Variants in NDE1 observed in about 807,000 individuals in gnomAD.
NDE1 encodes nuclear distribution protein nudE homolog 1.
A neutral mutation model predicts 43.4 loss-of-function variants in NDE1; 28 were observed. That is an observed-to-expected ratio of 0.65 (90% CI 0.48 to 0.89). The LOEUF (loss-of-function observed/expected upper bound fraction) is 0.89, where lower values mean the gene tolerates loss of function less well. Among genes scored for constraint, NDE1 ranks in the 40% least tolerant of loss-of-function variants. The pLI is 0.00. For missense variants in NDE1, 441 were observed against 434.1 expected (o/e 1.02, Z -0.14); for synonymous variants, 184 against 172.0 (o/e 1.07, Z -0.55).
chr16:15,714,811 TG>T (rs1019937075), intron 8 of NDE1: 25 of 1,441,410 alleles, frequency 1.7e-5, no homozygotes, highest in African/African-American at 2.8e-5. Flanking sequence ...GTGGCGGCTG[TG>T]GGCACAAGGG....
chr16:15,666,587 T>G (rs2037320004), intron 2 of NDE1, among the ~76,000 whole-genome samples: 1 of 152,050 alleles, frequency 6.6e-6, no homozygotes, highest in Non-Finnish European at 1.5e-5. Flanking sequence ...CCAGTCTGGG[T>G]GACAGAGCAA....
chr16:15,699,465 T>C (rs1425118199), intron 8 of NDE1: 4 of 955,332 alleles, frequency 4.2e-6, no homozygotes, highest in Admixed American at 9.4e-5. Context: ...GGTCTCACTA[T>C]GTTGCGTAGG....
Position 15,667,303 on chromosome 16 carries a change from A to T in NDE1, c.101A>T (p.Glu34Val). 2 of 1,614,176 alleles carry T rather than the reference A, an allele frequency of 1.2e-6. No individual in the cohort carries two copies. Among genetic ancestry groups the T allele is most frequent in the Non-Finnish European group, 1.7e-6 (2 of 1,180,032 alleles). ...TGCTGTAGGGCAGAAAATACGCAAG[A>T]GGAACTCCGAGAATTCCAGGAGGGA... ...TYKQRAENTQ[E>V]ELREFQEGSR... Residue 34 changes from glutamate (E) to valine (V), a missense_variant, in exon 3 of 9, where the codon GAG (glutamate) becomes GTG (valine). Coordinates refer to ENST00000396354, the MANE Select transcript of NDE1 (RefSeq NM_017668.3).
At position 15,720,910 on chromosome 16, in the gene NDE1, C is replaced by T. The variant is rs1266271367; in HGVS notation, c.948-3281C>T. 4 of 1,613,878 alleles carry T rather than the reference C, an allele frequency of 2.5e-6. No individual in the cohort carries two copies. In the African/African-American group the frequency reaches 5.3e-5, roughly 22 times the overall value. ...GCTTGGAGATCCCTTTCGAACTGGC[C>T]CTTGAGCGCCTGCATGTTGACTTCC... On this transcript the variant is annotated intron_variant, in intron 8 of 8. Coordinates refer to ENST00000396354, the MANE Select transcript of NDE1 (RefSeq NM_017668.3).
intron 3 of NDE1, among the ~76,000 whole-genome samples, chr16:15,668,086 G>A (rs139120911): frequency 2.0e-5 from 3 of 151,968 alleles, no homozygotes; most frequent in East Asian, 1.9e-4. Flanking sequence ...CACCTGGGCC[G>A]GGCGAGGTGG....
intron 8 of NDE1, among the ~76,000 whole-genome samples, chr16:15,706,034 G>T (rs1406851050): frequency 6.9e-6 from 1 of 144,556 alleles, no homozygotes; most frequent in Non-Finnish European, 1.5e-5. Flanking sequence ...TGATCACTGA[G>T]AAGAGGAATT....
At chr16:15,701,625 A>G (rs565987755) in intron 8 of NDE1, 1 of 152,210 alleles carries the variant, frequency 6.6e-6, no homozygotes, top group Non-Finnish European at 1.5e-5. Context: ...TGGTGTGTCC[A>G]CTCATCACTG....
chr16:15,655,614 C>G (rs1011912135), intron 1 of NDE1, among the ~76,000 whole-genome samples: 9 of 152,086 alleles, frequency 5.9e-5, no homozygotes, highest in African/African-American at 1.4e-4. Context: ...TTTGACCCAG[C>G]CATCGCATTA....
chr16:15,719,171 TCCC>T, intron 8 of NDE1: 3 of 1,530,774 alleles, frequency 2.0e-6, no homozygotes, highest in Non-Finnish European at 2.7e-6. Context: ...ATGCTGCCTG[TCCC>T]CCCATCCTCT....
At chr16:15,698,309 A>G (rs1279493398) in intron 8 of NDE1, among the ~76,000 whole-genome samples, 3 of 151,860 alleles carry the variant, frequency 2.0e-5, no homozygotes, top group African/African-American at 7.3e-5. Context: ...AGGGCAGCGG[A>G]TCAATTGAGC....
Position 15,677,803 on chromosome 16 carries a change from G to A in NDE1, c.240G>A (p.Glu80=). The A allele has an allele frequency of 6.2e-7, 1 of 1,614,142 alleles. No homozygotes were observed. The highest frequency in any genetic ancestry group is 8.5e-7 in the Non-Finnish European group (1 of 1,180,028). The change falls in exon 4 of 9, where the codon GAG becomes GAA. Residue 80 remains glutamate (E), a splice_region_variant and synonymous_variant. Coordinates refer to ENST00000396354, the MANE Select transcript of NDE1 (RefSeq NM_017668.3). ...TCAGTGTCTGTGTTGTCCTTCAGGA[G>A]AAGTTTGAAGTGCAGCACTCTGAAG... is the stretch of plus-strand genomic sequence containing the variant. ...RLRMELETIK[E]KFEVQHSEGY... is the part of the protein sequence containing the mutation.
At chr16:15,720,752 G>A (rs2040425483) in intron 8 of NDE1, 56 of 1,419,966 alleles carry the variant, frequency 3.9e-5, no homozygotes, top group Non-Finnish European at 4.8e-5. Flanking sequence ...TAAAGAAAAC[G>A]AAGTTTCCAC....
At chr16:15,690,353 C>CTTTTCTTTTTTTTTTTT in intron 5 of NDE1, among the ~76,000 whole-genome samples, 1 of 80,950 alleles carries the variant, frequency 1.2e-5, no homozygotes. Context: ...TTTTTTTTTT[C>CTTTTCTTTTTTTTTTTT]TTTTTTTTTT....
intron 8 of NDE1, chr16:15,721,085 G>C (rs754538193): frequency 3.2e-5 from 52 of 1,608,028 alleles, no homozygotes; most frequent in Non-Finnish European, 4.4e-5. Context: ...ATTCTATGAG[G>C]CTCAACTTCA....
chr16:15,712,974 C>T (rs944063742), intron 8 of NDE1: 1 of 149,758 alleles, frequency 6.7e-6, no homozygotes, highest in African/African-American at 2.5e-5. Context: ...GTGCCTCAGC[C>T]TCCTGAGTAG....
chr16:15,690,917 C>T (rs1355138856), intron 5 of NDE1, among the ~76,000 whole-genome samples: 2 of 152,162 alleles, frequency 1.3e-5, no homozygotes, highest in East Asian at 3.9e-4. Context: ...AAATGATTCT[C>T]ATGCCTCATC....
At position 15,692,918 on chromosome 16, in the gene NDE1, A is replaced by G. The variant is rs549581546; in HGVS notation, c.704-1247A>G. 9.9e-5 allele frequency among the ~76,000 whole-genome samples: 15 copies of G among 151,406 alleles called. No individual in the cohort carries two copies. The South Asian group carries it at 2.3e-3, about 23-fold the overall frequency. ...TGCCTGGCTATGTTTCCACACTTCA[A>G]TATGCATGTAGCTTACCTGGGGATC... On this transcript the variant is annotated intron_variant, in intron 6 of 8. Transcript: ENST00000396354.
chr16:15,695,651 A>G lies in NDE1; in HGVS notation c.796-1058A>G, dbSNP rs1596635337. 3 of 985,270 alleles carry G rather than the reference A, an allele frequency of 3.0e-6. No homozygotes were observed. In the East Asian group the frequency reaches 3.4e-4, roughly 112 times the overall value. 61.0% of individuals were successfully genotyped at this position (985,270 alleles called of 1,614,324 possible). A position where few individuals can be genotyped will look rare whatever the true frequency, so the allele number is the denominator to read the frequency against. On this transcript the variant is annotated intron_variant, in intron 7 of 8. Transcript: ENST00000396354. ...AAAAATGATGCCTAGAAGGCCACAT[A>G]ATTTAACTCCTACCAAGTTGTCACT...
At chr16:15,663,923 C>G (rs981609824) in intron 1 of NDE1, among the ~76,000 whole-genome samples, 3 of 151,922 alleles carry the variant, frequency 2.0e-5, no homozygotes, top group Non-Finnish European at 4.4e-5. Context: ...AAAAATTAGC[C>G]AGGCGTGGTG....
Sources: gnomAD v4.1 joint callset for allele counts (sites outside exome capture counted in the v4.1 genomes callset) on GRCh38, gnomAD v4.1.1 for gene constraint, MANE v1.5 for transcripts, NCBI Gene and HGNC (gene_info 2026-07-23, HGNC 2026-07-21) for gene names.